Variants in MAPK10 observed in about 807,000 individuals in gnomAD.
MAPK10 encodes the protein mitogen-activated protein kinase 10.
Under a neutral mutation model 59.3 loss-of-function variants are expected in MAPK10, and 25 were observed. The observed-to-expected ratio is 0.42, with a 90% confidence interval of 0.31 to 0.59. The LOEUF (loss-of-function observed/expected upper bound fraction) is 0.59, where lower values mean the gene tolerates loss of function less well. Among genes scored for constraint, MAPK10 ranks in the 20% least tolerant of loss-of-function variants. The probability of loss-of-function intolerance (pLI) is 0.15; values close to 1 mark genes in which losing one functional copy is unlikely to be tolerated. For synonymous variants in MAPK10, 190 were observed against 200.5 expected, an observed-to-expected ratio of 0.95 and a Z score of 0.44; for missense variants, 351 against 568.9, an observed-to-expected ratio of 0.62 and a Z score of 3.90.
At chr4:86,192,678 T>A (rs191669955) in intron 3 of MAPK10, 1 of 152,088 alleles carries the variant, frequency 6.6e-6, no homozygotes, top group Non-Finnish European at 1.5e-5. Flanking sequence ...TCCTTTAACC[T>A]TTTTTCAAGG....
chr4:86,562,806 T>C (rs1760780686), intron 1 of MAPK10, among the ~76,000 whole-genome samples: 1 of 152,244 alleles, frequency 6.6e-6, no homozygotes, highest in Non-Finnish European at 1.5e-5. Flanking sequence ...CACTTTCCCA[T>C]ATTTCTACAG....
intron 4 of MAPK10, among the ~76,000 whole-genome samples, chr4:86,153,674 C>G (rs4530621): frequency 0.81 from 122,814 of 152,012 alleles, 49,795 homozygotes; most frequent in East Asian, 0.89. Flanking sequence ...ACATTTTCTT[C>G]GTAAAGGAAA....
Position 86,445,547 on chromosome 4 carries a change from G to A in MAPK10, c.-122+7483C>T, listed in dbSNP as rs185132976. 9.7e-3 allele frequency among the ~76,000 whole-genome samples: 1,475 copies of A among 152,118 alleles called. 12 individuals carry two copies. The highest frequency in any genetic ancestry group is 0.021 in the African/African-American group (861 of 41,502). On this transcript the variant is annotated intron_variant, in intron 1 of 13. Coordinates refer to the MAPK10 transcript ENST00000361569. Reference sequence around the variant, plus strand: ...TGTAACAAACCTGCACATCCTACACGTGTGCCCTGGAACTTAAAATAAGGT... The same window carrying A: ...TGTAACAAACCTGCACATCCTACACATGTGCCCTGGAACTTAAAATAAGGT...
At chr4:86,210,812 C>T (rs947833159) in intron 2 of MAPK10, among the ~76,000 whole-genome samples, 17 of 150,556 alleles carry the variant, frequency 1.1e-4, no homozygotes, top group African/African-American at 3.7e-4. Flanking sequence ...TTCAAAGATG[C>T]TCAAAGAACT....
chr4:86,423,760 G>GATATATATATATATATATATATATATAT (rs772650050), intron 1 of MAPK10, among the ~76,000 whole-genome samples: 17 of 117,134 alleles, frequency 1.5e-4, no homozygotes, highest in East Asian at 2.5e-4. Flanking sequence ...TAATTAGTGG[G>GATATATATATATATATATATATATATAT]ATATATATAC....
chr4:86,247,395 T>C (rs763604777), intron 2 of MAPK10, among the ~76,000 whole-genome samples: 14 of 152,256 alleles, frequency 9.2e-5, no homozygotes, highest in Non-Finnish European at 1.9e-4. Context: ...CAGGTCCTGT[T>C]AATATACATT....
At chr4:86,083,578 T>C (rs1002656585) in intron 9 of MAPK10, among the ~76,000 whole-genome samples, 4 of 152,146 alleles carry the variant, frequency 2.6e-5, no homozygotes, top group Non-Finnish European at 5.9e-5. Flanking sequence ...TAAACTGCTC[T>C]GAGGCTGAGA....
At chr4:86,215,628 C>A (rs1232100326) in intron 2 of MAPK10, among the ~76,000 whole-genome samples, 1 of 152,086 alleles carries the variant, frequency 6.6e-6, no homozygotes, top group East Asian at 1.9e-4. Context: ...TTTGGGAGAC[C>A]AAGGCAGATG....
chr4:86,593,690 A>G (rs1311721427), intron 1 of MAPK10: 11 of 152,216 alleles, frequency 7.2e-5, no homozygotes, highest in Admixed American at 7.2e-4. Context: ...TTGTGCTGTC[A>G]CCACACTTTT....
At chr4:86,063,129 A>G (rs2046044321) in intron 11 of MAPK10, among the ~76,000 whole-genome samples, 1 of 152,172 alleles carries the variant, frequency 6.6e-6, no homozygotes, top group Non-Finnish European at 1.5e-5. Context: ...ATTGGGTTAC[A>G]TTATGAAAAG....
At chr4:86,408,196 C>A (rs933564486) in intron 1 of MAPK10, among the ~76,000 whole-genome samples, 31 of 152,156 alleles carry the variant, frequency 2.0e-4, no homozygotes, top group Middle Eastern at 3.4e-3. Flanking sequence ...TGGTGGTTTC[C>A]AGCTTCATCC....
At chr4:86,195,658 GT>G (rs1186954224) in intron 2 of MAPK10, among the ~76,000 whole-genome samples, 1 of 152,082 alleles carries the variant, frequency 6.6e-6, no homozygotes, top group Non-Finnish European at 1.5e-5. Flanking sequence ...TGCCATGGTG[GT>G]TTGCTGCACC....
intron 3 of MAPK10, among the ~76,000 whole-genome samples, chr4:86,174,774 C>G (rs375916332): frequency 6.6e-6 from 1 of 152,106 alleles, no homozygotes; most frequent in East Asian, 1.9e-4. Context: ...AACTTTTGAT[C>G]TGATATATCA....
chr4:86,419,043 T>C (rs939551094), intron 1 of MAPK10, among the ~76,000 whole-genome samples: 13 of 152,100 alleles, frequency 8.5e-5, no homozygotes, highest in African/African-American at 3.1e-4. Flanking sequence ...AGACTACACA[T>C]TGGCTACAGT....
intron 1 of MAPK10, among the ~76,000 whole-genome samples, chr4:86,547,927 A>G (rs1385999086): frequency 6.6e-6 from 1 of 152,166 alleles, no homozygotes; most frequent in African/African-American, 2.4e-5. Context: ...AAACGCACCA[A>G]TCAGCGCCCT....
chr4:86,244,337 C>T (rs574267888), intron 2 of MAPK10, among the ~76,000 whole-genome samples: 2 of 152,194 alleles, frequency 1.3e-5, no homozygotes, highest in East Asian at 3.9e-4. Flanking sequence ...TTATTAATAA[C>T]ATGAAACCAA....
intron 1 of MAPK10, among the ~76,000 whole-genome samples, chr4:86,433,885 C>G (rs1748371053): frequency 6.6e-6 from 1 of 152,092 alleles, no homozygotes; most frequent in Non-Finnish European, 1.5e-5. Flanking sequence ...GCTACCACTC[C>G]CATTTCTTAA....
At chr4:86,072,040 C>T (rs2048128045) in intron 9 of MAPK10, among the ~76,000 whole-genome samples, 1 of 144,116 alleles carries the variant, frequency 6.9e-6, no homozygotes, top group African/African-American at 2.7e-5. Context: ...AATGTTCTTC[C>T]ATTTGTTTGT....
chr4:86,575,998 C>CGTGTGTGTGT lies in MAPK10; in HGVS notation c.-263+17902_-263+17911dup, dbSNP rs56886437. On this transcript the variant is annotated intron_variant, in intron 1 of 4. Coordinates refer to the MAPK10 transcript ENST00000502302. Reference sequence around the variant, plus strand: ...CATAACATAATATTGTGTGTGTATGCGTGTGTGTGTGTGTGTGTGTGTGTA... The same window carrying CGTGTGTGTGT: ...CATAACATAATATTGTGTGTGTATGCGTGTGTGTGTGTGTGTGTGTGTGTGTGTGTGTGTA... Among the ~76,000 whole-genome samples, 784 of 147,364 alleles carry CGTGTGTGTGT rather than the reference C, an allele frequency of 5.3e-3. 8 individuals carry two copies. The highest frequency in any genetic ancestry group is 0.018 in the African/African-American group (736 of 40,096).
Sources: allele counts gnomAD v4.1 joint callset (sites outside exome capture counted in the v4.1 genomes callset), GRCh38; gene constraint gnomAD v4.1.1; transcripts MANE v1.5; gene names NCBI Gene and HGNC (gene_info 2026-07-23, HGNC 2026-07-21).